The following NELL2 variants were observed in gnomAD, a reference collection of about 807,000 sequenced individuals.
NELL2 encodes neural EGFL like 2, also known as protein kinase C-binding protein NELL2.
In NELL2, 41 loss-of-function variants were observed where a neutral mutation model predicts 109.6. That is an observed-to-expected ratio of 0.37 (90% confidence interval 0.29 to 0.49). NELL2 has a LOEUF of 0.49. Among genes scored for constraint, NELL2 ranks in the 20% least tolerant of loss-of-function variants. The pLI is 0.98. For synonymous variants in NELL2, 355 were observed against 344.7 expected, an observed-to-expected ratio of 1.03 and a Z score of -0.33; for missense variants, 900 against 1,008.3, an observed-to-expected ratio of 0.89 and a Z score of 1.45.
chr12:44,637,434 A>C (rs1363752972), intron 13 of NELL2, among the ~76,000 whole-genome samples: 1 of 147,686 alleles, frequency 6.8e-6, no homozygotes, highest in Non-Finnish European at 1.5e-5. Flanking sequence ...AGCTTAAAGT[A>C]ATGAGGAAAA....
chr12:44,583,081 A>G (rs1382521888), intron 15 of NELL2, among the ~76,000 whole-genome samples: 1 of 152,154 alleles, frequency 6.6e-6, no homozygotes, highest in Non-Finnish European at 1.5e-5. Context: ...CTTTTCACTA[A>G]AATTACCCAG....
chr12:44,740,651 G>C (rs1939905311), intron 9 of NELL2, among the ~76,000 whole-genome samples: 1 of 151,484 alleles, frequency 6.6e-6, no homozygotes, highest in Admixed American at 6.6e-5. Flanking sequence ...AATTCAAGAG[G>C]GAAAAAAAAA....
At chr12:44,906,883 CTT>C (rs1373715200) in intron 1 of NELL2, among the ~76,000 whole-genome samples, 1 of 152,060 alleles carries the variant, frequency 6.6e-6, no homozygotes, top group African/African-American at 2.4e-5. Context: ...GTAGATGTCT[CTT>C]AAAGCTATAA....
At chr12:44,890,484 C>A (rs1053005779) in intron 1 of NELL2, among the ~76,000 whole-genome samples, 1 of 152,162 alleles carries the variant, frequency 6.6e-6, no homozygotes, top group Non-Finnish European at 1.5e-5. Flanking sequence ...CAACTTTATT[C>A]ATTTATTCAA....
intron 9 of NELL2, among the ~76,000 whole-genome samples, chr12:44,715,392 G>T (rs1293706893): frequency 6.6e-6 from 1 of 151,238 alleles, no homozygotes. Flanking sequence ...CCATAAAAAT[G>T]CATAGAGTAT....
chr12:44,875,198 A>T, intron 2 of NELL2, 27 bp downstream of exon 2: 1 of 1,599,526 alleles, frequency 6.3e-7, no homozygotes. Flanking sequence ...CTGAAATCAC[A>T]GTGGGGATGC....
intron 5 of NELL2, among the ~76,000 whole-genome samples, chr12:44,778,200 A>G (rs1207789728): frequency 1.3e-5 from 2 of 152,236 alleles, no homozygotes; most frequent in African/African-American, 4.8e-5. Context: ...CATGACATCA[A>G]TATAATTTTA....
At chr12:44,756,531 C>A (rs149648771) in intron 9 of NELL2, among the ~76,000 whole-genome samples, 1 of 152,224 alleles carries the variant, frequency 6.6e-6, no homozygotes, top group Non-Finnish European at 1.5e-5. Context: ...CACAGCCACT[C>A]TAATCTGGCG....
intron 9 of NELL2, among the ~76,000 whole-genome samples, chr12:44,773,584 C>G (rs1193468410): frequency 6.6e-6 from 1 of 152,094 alleles, no homozygotes; most frequent in Non-Finnish European, 1.5e-5. Flanking sequence ...TCTTTCTAAC[C>G]ACCTACAAAC....
At chr12:44,514,519 A>C (rs1246844851) in intron 19 of NELL2, among the ~76,000 whole-genome samples, 1 of 151,542 alleles carries the variant, frequency 6.6e-6, no homozygotes, top group African/African-American at 2.4e-5. Context: ...ATATTATTAT[A>C]ATTATATTTT....
At chr12:44,618,908 G>T (rs1272989702) in intron 13 of NELL2, among the ~76,000 whole-genome samples, 2 of 152,096 alleles carry the variant, frequency 1.3e-5, no homozygotes, top group African/African-American at 4.8e-5. Context: ...GTAGGTATTA[G>T]TTTTATTTTT....
chr12:44,511,439 G>T (rs769026993), intron 19 of NELL2, among the ~76,000 whole-genome samples: 21 of 152,136 alleles, frequency 1.4e-4, no homozygotes, highest in Non-Finnish European at 2.4e-4. Context: ...TTTTCACTTG[G>T]TATTCCCCCT....
chr12:44,752,858 C>T (rs764135389), intron 9 of NELL2, among the ~76,000 whole-genome samples: 2 of 152,132 alleles, frequency 1.3e-5, no homozygotes, highest in African/African-American at 2.4e-5. Context: ...GGTGATGCCC[C>T]GCTCACTGCC....
At chr12:44,690,898 T>C (rs922774426) in intron 12 of NELL2, among the ~76,000 whole-genome samples, 7 of 152,226 alleles carry the variant, frequency 4.6e-5, no homozygotes, top group Admixed American at 4.6e-4. Context: ...AAAGTGCTTG[T>C]TCCTAGTGCT....
chr12:44,612,762 C>T (rs1300941263), intron 13 of NELL2, among the ~76,000 whole-genome samples: 1 of 152,020 alleles, frequency 6.6e-6, no homozygotes, highest in Non-Finnish European at 1.5e-5. Context: ...ATATGGACAG[C>T]CGTAGGCCCT....
At chr12:44,644,580 G>GTATATATATATATATATATGTATGTA (rs1946989099) in intron 13 of NELL2, among the ~76,000 whole-genome samples, 5 of 84,398 alleles carry the variant, frequency 5.9e-5, no homozygotes, top group African/African-American at 2.2e-4. Flanking sequence ...ACAAAGTAAA[G>GTATATATATATATATATATGTATGTA]TATATATATA....
At chr12:44,737,290 C>T (rs2136487359) in intron 9 of NELL2, among the ~76,000 whole-genome samples, 1 of 149,186 alleles carries the variant, frequency 6.7e-6, no homozygotes, top group East Asian at 2.0e-4. Context: ...CAGAATAAAG[C>T]AGTATTGCCA....
chr12:44,691,492 T>C (rs1332249187), intron 12 of NELL2, among the ~76,000 whole-genome samples: 4 of 152,108 alleles, frequency 2.6e-5, no homozygotes, highest in East Asian at 1.9e-4. Context: ...TACAACGATA[T>C]TGAAATTAGG....
chr12:44,582,094 G>A (rs141122957), intron 15 of NELL2, among the ~76,000 whole-genome samples: 2 of 152,176 alleles, frequency 1.3e-5, no homozygotes, highest in African/African-American at 4.8e-5. Flanking sequence ...CAAGGCCATC[G>A]ATAGTAGGAG....
Sources: gnomAD v4.1 joint callset for allele counts (sites outside exome capture counted in the v4.1 genomes callset) on GRCh38, gnomAD v4.1.1 for gene constraint, MANE v1.5 for transcripts, NCBI Gene and HGNC (gene_info 2026-07-23, HGNC 2026-07-21) for gene names.